The following PABIR3 variants were observed in gnomAD, a reference collection of about 807,000 sequenced individuals.
PABIR3 encodes PABIR family member 1.
A neutral mutation model predicts 23.1 loss-of-function variants in PABIR3; 20 were observed. The ratio of observed to expected loss-of-function variants is 0.86; its 90% CI spans 0.61 to 1.26. The LOEUF is 1.26. PABIR3 is among the 50% of genes most tolerant of loss of function. PABIR3 has a pLI of 0.00. For missense variants in PABIR3, 189 were observed against 195.4 expected (o/e 0.97, Z 0.20); for synonymous variants, 69 against 68.5 (o/e 1.01, Z -0.04).
chrX:134,822,442 G>T lies in PABIR3; in HGVS notation c.190-6784G>T, dbSNP rs986928695. 6.7e-6 allele frequency: 5 copies of T among 751,478 alleles called. No homozygotes were observed. In the South Asian group the frequency reaches 2.0e-4, roughly 31 times the overall value. 61.9% of individuals were successfully genotyped at this position (751,478 alleles called of 1,213,427 possible). A position where few individuals can be genotyped will look rare whatever the true frequency, so the allele number is the denominator to read the frequency against. ...CATTTTGTCCAATTAAAAAATTCTT[G>T]TAGCTTATGATTCTGTAGCTCAAGT... is the stretch of plus-strand genomic sequence containing the variant. On this transcript the variant is annotated intron_variant, in intron 3 of 10. Transcript: ENST00000645433.
chrX:134,849,966 G>A (rs975143051), intron 9 of PABIR3, among the ~76,000 whole-genome samples: 8 of 94,877 alleles, frequency 8.4e-5, no homozygotes, highest in Non-Finnish European at 1.4e-4. Context: ...TCTTCCTCCC[G>A]GGTTCAAGCG....
At chrX:134,843,891 A>G (rs2082343456) in intron 4 of PABIR3, among the ~76,000 whole-genome samples, 2 of 86,779 alleles carry the variant, frequency 2.3e-5, no homozygotes, top group Admixed American at 2.5e-4. Flanking sequence ...TGTGCGCTCT[A>G]TTCTGTTCCA....
At chrX:134,811,214 T>C in intron 2 of PABIR3, 1 of 701,742 alleles carries the variant, frequency 1.4e-6, no homozygotes, top group Non-Finnish European at 1.7e-6. Context: ...TTATACTCTT[T>C]ATCTCTGTAA....
At chrX:134,802,128 G>A (rs1181969998) in intron 1 of PABIR3, among the ~76,000 whole-genome samples, 1 of 109,404 alleles carries the variant, frequency 9.1e-6, no homozygotes, top group Non-Finnish European at 1.9e-5. Context: ...TTGTCGCCCA[G>A]GCTGGAGTGC....
upstream of PABIR3, among the ~76,000 whole-genome samples, chrX:134,806,098 TAA>T (rs2080218222): frequency 8.9e-6 from 1 of 111,949 alleles, no homozygotes; most frequent in Non-Finnish European, 1.9e-5. Flanking sequence ...TGAAAATTTC[TAA>T]AAGAGTAGTT....
At chrX:134,843,923 T>TTG (rs1215713457) in intron 4 of PABIR3, among the ~76,000 whole-genome samples, 1 of 95,116 alleles carries the variant, frequency 1.1e-5, no homozygotes, top group Non-Finnish European at 2.1e-5. Context: ...ATGTTCTTTT[T>TTG]TTTTTTTTTT....
intron 2 of PABIR3, chrX:134,811,009 G>T: frequency 1.3e-5 from 10 of 753,868 alleles, no homozygotes; most frequent in Non-Finnish European, 1.4e-5. Flanking sequence ...AGTAATTTTC[G>T]AACTTTGCTT....
downstream of PABIR3, among the ~76,000 whole-genome samples, chrX:134,856,605 G>A (rs901866670): frequency 3.6e-5 from 4 of 112,001 alleles, no homozygotes; most frequent in African/African-American, 1.3e-4. Flanking sequence ...GTTACCTTTT[G>A]AGCTTGTGTA....
chrX:134,851,219 A>T (rs762092526), intron 9 of PABIR3, among the ~76,000 whole-genome samples: 1 of 111,602 alleles, frequency 9.0e-6, no homozygotes, highest in East Asian at 2.8e-4. Flanking sequence ...GGTGAGAAGC[A>T]GCAGTGACTT....
Position 134,816,082 on chromosome X carries a change from T to C in PABIR3, c.189+1233T>C, listed in dbSNP as rs760902662. On this transcript the variant is annotated intron_variant, in intron 3 of 10. Transcript: ENST00000645433. ...GTTTCCCCACCTTGTTCAATTAATA[T>C]GGTATATTACATTGATTTTTTTCCA... Among the ~76,000 whole-genome samples the C allele has an allele frequency of 7.1e-5, 8 of 112,626 alleles. No individual in the cohort carries two copies. The South Asian group carries it at 1.8e-3, about 25-fold the overall frequency.
intron 8 of PABIR3, among the ~76,000 whole-genome samples, chrX:134,848,390 CAA>C (rs1172693164): frequency 5.1e-5 from 4 of 78,867 alleles, no homozygotes; most frequent in Non-Finnish European, 2.5e-5. Flanking sequence ...AACTCCATCT[CAA>C]AAAAAAAAAA....
At chrX:134,814,169 A>G (rs1166602437) in intron 2 of PABIR3, among the ~76,000 whole-genome samples, 2 of 111,140 alleles carry the variant, frequency 1.8e-5, no homozygotes, top group Non-Finnish European at 3.8e-5. Context: ...CTCTGACCAT[A>G]AATTTAAATC....
At chrX:134,839,848 C>T (rs1452850157) in intron 4 of PABIR3, among the ~76,000 whole-genome samples, 2 of 112,567 alleles carry the variant, frequency 1.8e-5, no homozygotes, top group Non-Finnish European at 3.8e-5. Context: ...CCAGCCGCCC[C>T]GTCTGGGAGG....
upstream of PABIR3, among the ~76,000 whole-genome samples, chrX:134,804,652 T>G (rs781738280): frequency 1.7e-3 from 188 of 112,697 alleles, no homozygotes; most frequent in Non-Finnish European, 2.8e-3. Context: ...TTTTGTCTAT[T>G]TATTCAAAAT....
Position 134,847,398 on chromosome X carries a change from C to G in PABIR3, c.361C>G (p.Gln121Glu). 8.3e-7 allele frequency: 1 copy of G among 1,205,151 alleles called. No individual in the cohort carries two copies. Among genetic ancestry groups the G allele is most frequent in the East Asian group, 3.0e-5 (1 of 33,760 alleles). Residue 121 changes from glutamine to glutamate, a missense_variant, in exon 7 of 11, where the codon CAG (glutamine) becomes GAG (glutamate). Transcript: ENST00000645433. ...EGLKLNDNGL[Q>E]KSSSLKCIDL... The stretch of plus-strand genomic sequence containing the variant: ...GCTTACACAGAATGACAATGGCTTA[C>G]AGAAATCATCCTCTCTAAAGTGCAT...
At chrX:134,800,892 G>A (rs2080050176) in intron 1 of PABIR3, among the ~76,000 whole-genome samples, 1 of 112,512 alleles carries the variant, frequency 8.9e-6, no homozygotes, top group Non-Finnish European at 1.9e-5. Flanking sequence ...AGAACTGCCC[G>A]AAAGGTAACT....
chrX:134,825,532 CT>C (rs1320951146), intron 3 of PABIR3, among the ~76,000 whole-genome samples: 1 of 112,011 alleles, frequency 8.9e-6, no homozygotes, highest in Non-Finnish European at 1.9e-5. Context: ...AGATTTCTGA[CT>C]TTTGTTAGAA....
At chrX:134,815,234 C>G (rs2080909050) in intron 3 of PABIR3, among the ~76,000 whole-genome samples, 1 of 109,474 alleles carries the variant, frequency 9.1e-6, no homozygotes, top group Admixed American at 9.8e-5. Context: ...GGAAAATTTG[C>G]AGACTCTCCT....
chrX:134,811,751 G>A (rs911794015), intron 2 of PABIR3, among the ~76,000 whole-genome samples: 7 of 111,464 alleles, frequency 6.3e-5, no homozygotes, highest in African/African-American at 2.3e-4. Flanking sequence ...TATTTGAAAG[G>A]CAAATTACTG....
Sources: allele counts gnomAD v4.1 joint callset (sites outside exome capture counted in the v4.1 genomes callset), GRCh38; gene constraint gnomAD v4.1.1; transcripts MANE v1.5; gene names NCBI Gene and HGNC (gene_info 2026-07-23, HGNC 2026-07-21).